CCDC88A: variants seen among roughly 807,000 people sequenced by gnomAD.
The protein encoded by CCDC88A is girdin.
A neutral mutation model predicts 234.3 loss-of-function variants in CCDC88A; 54 were observed. The observed-to-expected ratio is 0.23, with a 90% CI of 0.19 to 0.29. The LOEUF (loss-of-function observed/expected upper bound fraction) is 0.29, where lower values mean the gene tolerates loss of function less well. Among genes scored for constraint, CCDC88A ranks in the 10% least tolerant of loss-of-function variants. CCDC88A has a pLI of 1.00. For synonymous variants in CCDC88A, 753 were observed against 737.8 expected (o/e 1.02, Z -0.33); for missense variants, 1,832 against 2,123.4 (o/e 0.86, Z 2.70).
intron 25 of CCDC88A, among the ~76,000 whole-genome samples, chr2:55,303,531 G>T (rs1681154179): frequency 6.6e-6 from 1 of 151,882 alleles, no homozygotes; most frequent in South Asian, 2.1e-4. Context: ...ACAGGCATGT[G>T]CCAACATGCC....
chr2:55,393,600 A>G (rs1486816234), intron 2 of CCDC88A, among the ~76,000 whole-genome samples: 1 of 151,978 alleles, frequency 6.6e-6, no homozygotes, highest in Non-Finnish European at 1.5e-5. Flanking sequence ...AGCCAAAACT[A>G]TAGAGTTTTT....
intron 7 of CCDC88A, among the ~76,000 whole-genome samples, chr2:55,359,856 C>CAACAAAAACAAAAACAAAAACAAA (rs60891079): frequency 7.3e-5 from 11 of 151,108 alleles, no homozygotes; most frequent in African/African-American, 2.2e-4. Context: ...TCAATGCTAA[C>CAACAAAAACAAAAACAAAAACAAA]AACAAAAACA....
intron 29 of CCDC88A, among the ~76,000 whole-genome samples, chr2:55,299,152 T>C (rs1474000889): frequency 6.6e-6 from 1 of 151,920 alleles, no homozygotes; most frequent in Non-Finnish European, 1.5e-5. Context: ...TACAGTGAGC[T>C]GAGATCACAC....
intron 25 of CCDC88A, among the ~76,000 whole-genome samples, chr2:55,307,087 C>T (rs1681680197): frequency 6.6e-6 from 1 of 152,012 alleles, no homozygotes. Flanking sequence ...CAATTAGTGA[C>T]ATTAGTGATA....
chr2:55,313,743 C>T (rs142463672), intron 22 of CCDC88A: 2,290 of 151,936 alleles, frequency 0.015, 27 homozygotes, highest in Middle Eastern at 0.044. Flanking sequence ...GGCCGCCCCC[C>T]GCAAAAAATA....
intron 7 of CCDC88A, among the ~76,000 whole-genome samples, chr2:55,361,405 G>A (rs916806537): frequency 6.6e-6 from 1 of 151,962 alleles, no homozygotes; most frequent in African/African-American, 2.4e-5. Context: ...TTTAATTGTT[G>A]CTCTAAAAAT....
At chr2:55,405,711 T>C (rs532955404) in intron 2 of CCDC88A, 3 of 152,212 alleles carry the variant, frequency 2.0e-5, no homozygotes, top group South Asian at 2.1e-4. Flanking sequence ...ACGAACCCTA[T>C]TGTGAACTGC....
At chr2:55,376,198 C>T (rs191531555) in intron 3 of CCDC88A, among the ~76,000 whole-genome samples, 1 of 152,214 alleles carries the variant, frequency 6.6e-6, no homozygotes, top group Non-Finnish European at 1.5e-5. Context: ...TGCAAAGGGT[C>T]TGGGATGAAT....
chr2:55,374,978 G>T, intron 3 of CCDC88A, 95 bp from the exon 4 acceptor site: 1 of 743,826 alleles, frequency 1.3e-6, no homozygotes, highest in Non-Finnish European at 2.3e-6. Context: ...TCTTCTGTAG[G>T]TGTGCTATAT....
intron 22 of CCDC88A, chr2:55,313,013 T>C (rs1574061214): frequency 6.3e-6 from 1 of 159,760 alleles, no homozygotes; most frequent in Non-Finnish European, 1.4e-5. Context: ...ATGTAAAGTA[T>C]CTAGTAGCAT....
intron 3 of CCDC88A, among the ~76,000 whole-genome samples, chr2:55,381,396 C>T (rs1674569425): frequency 6.6e-6 from 1 of 151,606 alleles, no homozygotes; most frequent in African/African-American, 2.4e-5. Context: ...ACAGCAACAA[C>T]AACAAAATTA....
intron 5 of CCDC88A, among the ~76,000 whole-genome samples, chr2:55,365,245 A>AT (rs1211164140): frequency 6.6e-6 from 1 of 152,060 alleles, no homozygotes; most frequent in African/African-American, 2.4e-5. Flanking sequence ...AAACTCAAGA[A>AT]TTTTTTTCTA....
chr2:55,295,577 C>G lies in CCDC88A; in HGVS notation c.5551+20G>C, dbSNP rs1224555973. 6.2e-7 allele frequency: 1 copy of G among 1,614,066 alleles called. No homozygotes were observed. The highest frequency in any genetic ancestry group is 1.1e-5 in the South Asian group (1 of 91,084). On this transcript the variant is annotated intron_variant, in intron 31 of 32. Coordinates refer to ENST00000436346, the MANE Select transcript of CCDC88A (RefSeq NM_001365480.1). ...GGATGTCAAGTATATGAGAGGACCA[C>G]TGGTGTAAATGGTACTCACTAGATG...
rs1681945463 is a variant in CCDC88A, at chr2:55,419,182, G to A, written c.-103C>T. The A allele has an allele frequency of 2.7e-6, 2 of 729,902 alleles. No homozygotes were observed. The highest frequency in any genetic ancestry group is 4.7e-6 in the Non-Finnish European group (2 of 424,156). The allele number at this position is 729,902 out of a possible 1,614,324, so 45.2% of individuals were successfully genotyped here. The stretch of plus-strand genomic sequence containing the variant: ...GTAGAAATCAATGAAAGTCCATTTC[G>A]GCAAGGGAGAAAAATCCCATCGTGG... On this transcript the variant is annotated 5_prime_UTR_variant, in exon 1 of 33. It introduces an in-frame stop codon into an upstream open reading frame of the 5' UTR. Transcript: ENST00000436346.
intron 5 of CCDC88A, among the ~76,000 whole-genome samples, chr2:55,370,534 G>A (rs771942666): frequency 6.0e-5 from 9 of 150,654 alleles, no homozygotes; most frequent in Non-Finnish European, 1.0e-4. Flanking sequence ...CCAGCTACTT[G>A]GTAGGTTGAG....
chr2:55,378,286 C>T (rs1674032782), intron 3 of CCDC88A, among the ~76,000 whole-genome samples: 1 of 152,178 alleles, frequency 6.6e-6, no homozygotes, highest in Non-Finnish European at 1.5e-5. Flanking sequence ...TATGGTATCA[C>T]CAAAGACTTT....
In CCDC88A at chr2:55,290,685, A is replaced by G. The variant is rs1359358932; in HGVS notation, c.*515T>C. The G allele has an allele frequency of 6.6e-6, 1 of 152,578 alleles. No homozygotes were observed. Among genetic ancestry groups the G allele is most frequent in the Non-Finnish European group, 1.5e-5 (1 of 67,956 alleles). 9.5% of individuals were successfully genotyped at this position (152,578 alleles called of 1,614,324 possible). A position where few individuals can be genotyped will look rare whatever the true frequency, so the allele number is the denominator to read the frequency against. On this transcript the variant is annotated 3_prime_UTR_variant, in exon 33 of 33. Coordinates refer to ENST00000436346, the MANE Select transcript of CCDC88A (RefSeq NM_001365480.1). ...AACCAAATAAGGCTCTGACATGCCA[A>G]AACAATTTTCTCTGTATCTTGCTAT...
At chr2:55,293,886 C>A (rs544003986) in intron 31 of CCDC88A, 1 of 148,918 alleles carries the variant, frequency 6.7e-6, no homozygotes, top group East Asian at 1.9e-4. Context: ...GTTCTTTGCA[C>A]TGGAGTCAAA....
At chr2:55,326,743 G>A (rs1684316447) in intron 17 of CCDC88A, among the ~76,000 whole-genome samples, 1 of 152,088 alleles carries the variant, frequency 6.6e-6, no homozygotes, top group Non-Finnish European at 1.5e-5. Context: ...GCTAATTTTT[G>A]TATTTTTAGT....
Sources: allele counts gnomAD v4.1 joint callset (sites outside exome capture counted in the v4.1 genomes callset), GRCh38; gene constraint gnomAD v4.1.1; transcripts MANE v1.5; gene names NCBI Gene and HGNC (gene_info 2026-07-23, HGNC 2026-07-21).